Variants in PHKG1 observed in about 807,000 individuals in gnomAD.
PHKG1 encodes the protein phosphorylase kinase catalytic subunit gamma 1, also known as phosphorylase b kinase gamma catalytic chain, skeletal muscle/heart isoform.
In PHKG1, 48 loss-of-function variants were observed where a neutral mutation model predicts 50.5. The observed-to-expected ratio is 0.95, with a 90% confidence interval of 0.75 to 1.21. The LOEUF (loss-of-function observed/expected upper bound fraction) is 1.21. Ranked by LOEUF, PHKG1 falls within the 50% of genes most tolerant of loss-of-function variation. PHKG1 has a pLI of 0.00. For synonymous variants in PHKG1, 204 were observed against 212.8 expected, an observed-to-expected ratio of 0.96 and a Z score of 0.36; for missense variants, 487 against 519.5, an observed-to-expected ratio of 0.94 and a Z score of 0.61.
intron 4 of PHKG1, 27 bp downstream of exon 4, chr7:56,086,943 T>C: frequency 6.3e-7 from 1 of 1,593,852 alleles, no homozygotes; most frequent in Admixed American, 1.7e-5. Flanking sequence ...CTCTCAGGTG[T>C]GGCTTGCTCC....
In PHKG1 at chr7:56,082,150, C is replaced by A; in HGVS notation, c.638+13G>T. On this transcript the variant is annotated intron_variant, in intron 7 of 9. Transcript: ENST00000297373. Reference sequence around the variant, plus strand: ...AGCCTAGCTGGGTGCTCCTCCTTTCCCGGCGCACTCACATGTCCACCTCTT... The same window carrying A: ...AGCCTAGCTGGGTGCTCCTCCTTTCACGGCGCACTCACATGTCCACCTCTT... 6.2e-7 allele frequency: 1 copy of A among 1,613,094 alleles called. No homozygotes were observed. The highest frequency in any genetic ancestry group is 1.1e-5 in the South Asian group (1 of 91,000).
rs1488057462 is a variant in PHKG1, at chr7:56,080,955, C to CCTT, written c.*96_*98dup. The CCTT allele has an allele frequency of 1.4e-6, 2 of 1,406,640 alleles. No individual in the cohort carries two copies. The highest frequency in any genetic ancestry group is 2.8e-5 in the African/African-American group (2 of 70,662). 87.1% of individuals were successfully genotyped at this position (1,406,640 alleles called of 1,614,324 possible). ...GGGTTCCTGGCCAGGGCCAAGTGCTCCTTCTGCAGAGGCCTGCACGCATCT... is the reference window on the plus strand; with the variant it reads ...GGGTTCCTGGCCAGGGCCAAGTGCTCCTTCTTCTGCAGAGGCCTGCACGCATCT... On this transcript the variant is annotated 3_prime_UTR_variant, in exon 10 of 10. Coordinates refer to ENST00000297373, the MANE Select transcript of PHKG1 (RefSeq NM_006213.5).
chr7:56,089,015 C>G, intron 1 of PHKG1, 40 bp from the exon 2 acceptor site: 2 of 977,326 alleles, frequency 2.0e-6, no homozygotes, highest in Non-Finnish European at 3.2e-6. Context: ...CCTTCCTGAC[C>G]CAGGGGCTGT....
chr7:56,092,444 T>C (rs1796523525), intron 1 of PHKG1, among the ~76,000 whole-genome samples: 1 of 152,176 alleles, frequency 6.6e-6, no homozygotes. Flanking sequence ...AGCTAATTTT[T>C]GTATTTTTAG....
rs1400669446 is a variant in PHKG1 at position 56,086,955 on chromosome 7, G to A, written c.317+15C>T. On this transcript the variant is annotated intron_variant, in intron 4 of 9. Transcript: ENST00000297373. ...GTTCTCTCAGGTGTGGCTTGCTCCAGTGCTGGGTACTTACAGGTCAAACAC... is the reference window on the plus strand; with the variant it reads ...GTTCTCTCAGGTGTGGCTTGCTCCAATGCTGGGTACTTACAGGTCAAACAC... The A allele has an allele frequency of 1.2e-6, 2 of 1,607,528 alleles. No homozygotes were observed. Among genetic ancestry groups the A allele is most frequent in the Non-Finnish European group, 1.7e-6 (2 of 1,174,086 alleles).
chr7:56,087,652 C>T lies in PHKG1; in HGVS notation c.208G>A (p.Ala70Thr), dbSNP rs1248564968. The change falls in exon 3 of 10, where the codon GCC (alanine) becomes ACC (threonine). Residue 70 changes from alanine (A) to threonine (T), a missense_variant. Coordinates refer to ENST00000297373, the MANE Select transcript of PHKG1 (RefSeq NM_006213.5). Reference sequence around the variant, plus strand: ...AGGATGTCCACCTCCTTCAGCGTGGCTTCTCGCAGCTCCCGCACCTCCTCC... The same window carrying T: ...AGGATGTCCACCTCCTTCAGCGTGGTTTCTCGCAGCTCCCGCACCTCCTCC... ...SPEEVRELRE[A>T]TLKEVDILRK... 1.2e-6 allele frequency: 2 copies of T among 1,613,904 alleles called. No homozygotes were observed. Among genetic ancestry groups the T allele is most frequent in the Non-Finnish European group, 1.7e-6 (2 of 1,180,024 alleles).
Position 56,081,954 on chromosome 7 carries a change from C to T in PHKG1, c.731G>A (p.Ser244Asn), listed in dbSNP as rs746142464. 6.2e-7 allele frequency: 1 copy of T among 1,613,936 alleles called. No homozygotes were observed. The highest frequency in any genetic ancestry group is 8.5e-7 in the Non-Finnish European group (1 of 1,180,030). ...KQMLMLRMIM[S>N]GNYQFGSPEW... ...GGGCGAGCCAAACTGGTAGTTGCCGCTCATGATCATCCTCAGCATCAGCAT... is the reference window on the plus strand; with the variant it reads ...GGGCGAGCCAAACTGGTAGTTGCCGTTCATGATCATCCTCAGCATCAGCAT... Residue 244 changes from serine (S) to asparagine (N), a missense_variant, in exon 8 of 10, where the codon AGC becomes AAC. Coordinates refer to ENST00000297373, the MANE Select transcript of PHKG1 (RefSeq NM_006213.5). The surrounding 1 kb of genome is among the most constrained non-coding windows in gnomAD (Gnocchi z 4.6).
At chr7:56,087,371 ACCAGCATGCCT>A in intron 3 of PHKG1, among the ~76,000 whole-genome samples, 1 of 151,968 alleles carries the variant, frequency 6.6e-6, no homozygotes, top group South Asian at 2.1e-4. Flanking sequence ...ACAGGCATGC[ACCAGCATGCCT>A]GGCTAATTCA....
At chr7:56,084,946 C>T (rs1396613554) in intron 4 of PHKG1, among the ~76,000 whole-genome samples, 2 of 151,976 alleles carry the variant, frequency 1.3e-5, no homozygotes. Flanking sequence ...ACAGAGCAGT[C>T]GAGACAGCTG....
chr7:56,084,130 G>A (rs1375729725), intron 4 of PHKG1: 5 of 1,402,534 alleles, frequency 3.6e-6, no homozygotes, highest in Non-Finnish European at 4.9e-6. Flanking sequence ...CCCCGAGCTG[G>A]TGGCCCTGTG....
chr7:56,084,208 T>G, intron 4 of PHKG1: 1 of 1,534,632 alleles, frequency 6.5e-7, no homozygotes, highest in South Asian at 1.2e-5. Context: ...CCAAGCACCA[T>G]TTCTGTTCCA....
chr7:56,089,092 T>C, intron 1 of PHKG1, 117 bp from the exon 2 acceptor site: 1 of 569,676 alleles, frequency 1.8e-6, no homozygotes, highest in South Asian at 2.3e-5. Flanking sequence ...TGGCCTATAG[T>C]GAATGTTCCA....
Position 56,081,844 on chromosome 7 carries a change from C to T in PHKG1, c.792+49G>A, listed in dbSNP as rs372050246. On this transcript the variant is annotated intron_variant, in intron 8 of 9. Coordinates refer to ENST00000297373, the MANE Select transcript of PHKG1 (RefSeq NM_006213.5). The surrounding 1 kb of genome is among the most constrained non-coding windows in gnomAD (Gnocchi z 4.6). ...GGCAGGGCCTCCCCGGGCAGGGGCG[C>T]CTGGCATCGCAGCCCTGAGCCCAGG... The T allele has an allele frequency of 6.2e-7, 1 of 1,609,848 alleles. No homozygotes were observed.
At chr7:56,082,476 C>G (rs370685839) in intron 6 of PHKG1, among the ~76,000 whole-genome samples, 1 of 151,778 alleles carries the variant, frequency 6.6e-6, no homozygotes, top group Non-Finnish European at 1.5e-5. Flanking sequence ...GCCTGTAGTC[C>G]CAGCTACTCA....
At chr7:56,083,519 A>G in intron 5 of PHKG1, 78 bp from the exon 6 acceptor site, 1 of 1,556,488 alleles carries the variant, frequency 6.4e-7, no homozygotes, top group Non-Finnish European at 8.8e-7. Flanking sequence ...CTCACATTTC[A>G]GCCACACTGC....
In PHKG1 at chr7:56,087,658, G is replaced by T. The variant is rs137913814; in HGVS notation, c.202C>A (p.Arg68=). The change falls in exon 3 of 10, where the codon CGA becomes AGA. Residue 68 remains arginine (R), a synonymous_variant. Coordinates refer to ENST00000297373, the MANE Select transcript of PHKG1 (RefSeq NM_006213.5). ...TCCACCTCCTTCAGCGTGGCTTCTCGCAGCTCCCGCACCTCCTCCGGGCTG... is the reference window on the plus strand; with the variant it reads ...TCCACCTCCTTCAGCGTGGCTTCTCTCAGCTCCCGCACCTCCTCCGGGCTG... ...SFSPEEVREL[R]EATLKEVDIL... 39 of 1,613,904 alleles carry T rather than the reference G, an allele frequency of 2.4e-5. No individual in the cohort carries two copies. In the African/African-American group the frequency reaches 4.7e-4, roughly 19 times the overall value.
intron 3 of PHKG1, 121 bp downstream of exon 3, chr7:56,087,477 G>T: frequency 1.1e-6 from 1 of 876,520 alleles, no homozygotes; most frequent in Non-Finnish European, 1.8e-6. Flanking sequence ...GGGTGGAGCT[G>T]GGAGCCTTGA....
At chr7:56,083,105 CAAAA>C (rs374270655) in intron 6 of PHKG1, 169 bp downstream of exon 6, 133 of 443,968 alleles carry the variant, frequency 3.0e-4, no homozygotes, top group East Asian at 3.7e-4. Context: ...GACTCCATCT[CAAAA>C]AAAAAAAAAA....
intron 4 of PHKG1, chr7:56,084,175 G>A: frequency 6.5e-7 from 1 of 1,533,324 alleles, no homozygotes. Context: ...CCCTGAAGTT[G>A]GTGGACTTGG....
Sources: allele counts gnomAD v4.1 joint callset (sites outside exome capture counted in the v4.1 genomes callset), GRCh38; gene constraint gnomAD v4.1.1; non-coding constraint Gnocchi (gnomAD v3.1); transcripts MANE v1.5; gene names NCBI Gene and HGNC (gene_info 2026-07-23, HGNC 2026-07-21).